KLHL24: variants seen among roughly 807,000 people sequenced by gnomAD.
KLHL24 encodes kelch-like protein 24.
KLHL24 carries 29 observed loss-of-function variants against 53.4 expected under a neutral mutation model. The ratio of observed to expected loss-of-function variants is 0.54; its 90% confidence interval spans 0.40 to 0.74. KLHL24 has a LOEUF of 0.74. KLHL24 is among the 30% of genes least tolerant of loss of function. The probability of loss-of-function intolerance (pLI) is 0.00; values close to 1 mark genes in which losing one functional copy is unlikely to be tolerated. For synonymous variants in KLHL24, 222 were observed against 253.7 expected, an observed-to-expected ratio of 0.88 and a Z score of 1.19; for missense variants, 504 against 744.0, an observed-to-expected ratio of 0.68 and a Z score of 3.75.
At chr3:183,656,330 C>T (rs1718891948) in intron 3 of KLHL24, among the ~76,000 whole-genome samples, 1 of 152,126 alleles carries the variant, frequency 6.6e-6, no homozygotes, top group Non-Finnish European at 1.5e-5. Flanking sequence ...TGCCAAACCA[C>T]CCGTAGCATT....
chr3:183,654,829 C>A lies in KLHL24; in HGVS notation c.920+3553C>A, dbSNP rs566932337. On this transcript the variant is annotated intron_variant, in intron 3 of 7. Coordinates refer to ENST00000242810, the MANE Select transcript of KLHL24 (RefSeq NM_017644.3). Reference sequence around the variant, plus strand: ...ATTGCTTCCTTATGGCATCATTTAGCTGTGTTTCCTGGAAACTGGAAGTTG... The same window carrying A: ...ATTGCTTCCTTATGGCATCATTTAGATGTGTTTCCTGGAAACTGGAAGTTG... 1.7e-3 allele frequency among the ~76,000 whole-genome samples: 260 copies of A among 152,316 alleles called. 1 individual carries two copies. Among genetic ancestry groups the A allele is most frequent in the Non-Finnish European group, 2.4e-3 (161 of 68,024 alleles).
chr3:183,649,237 C>G (rs1717773892), intron 2 of KLHL24, among the ~76,000 whole-genome samples: 1 of 152,188 alleles, frequency 6.6e-6, no homozygotes, highest in Non-Finnish European at 1.5e-5. Flanking sequence ...TATGTACATC[C>G]TATCCCTAGA....
At chr3:183,666,323 G>A (rs1720552983) in intron 5 of KLHL24, among the ~76,000 whole-genome samples, 1 of 151,900 alleles carries the variant, frequency 6.6e-6, no homozygotes, top group South Asian at 2.1e-4. Flanking sequence ...GTACAGTGGT[G>A]CCATCACTGC....
At chr3:183,649,359 G>C (rs1717790997) in intron 2 of KLHL24, among the ~76,000 whole-genome samples, 1 of 152,024 alleles carries the variant, frequency 6.6e-6, no homozygotes, top group Non-Finnish European at 1.5e-5. Context: ...AATTTTTAAT[G>C]GTTGCATAGA....
chr3:183,655,064 G>A (rs1718657116), intron 3 of KLHL24, among the ~76,000 whole-genome samples: 1 of 152,198 alleles, frequency 6.6e-6, no homozygotes, highest in South Asian at 2.1e-4. Context: ...ATATCAGCCA[G>A]TGTTCCTTTA....
At chr3:183,639,484 G>A (rs953285973) in intron 1 of KLHL24, among the ~76,000 whole-genome samples, 2 of 151,568 alleles carry the variant, frequency 1.3e-5, no homozygotes, top group Admixed American at 6.6e-5. Flanking sequence ...CAAAAAATTA[G>A]CCGGGCGTAG....
chr3:183,669,898 G>A (rs1721108100), intron 5 of KLHL24, among the ~76,000 whole-genome samples: 1 of 152,186 alleles, frequency 6.6e-6, no homozygotes, highest in African/African-American at 2.4e-5. Flanking sequence ...GACTCAGTGG[G>A]ACTTAATAGT....
chr3:183,655,157 C>T lies in KLHL24; in HGVS notation c.920+3881C>T, dbSNP rs1460560284. On this transcript the variant is annotated intron_variant, in intron 3 of 7. Coordinates refer to ENST00000242810, the MANE Select transcript of KLHL24 (RefSeq NM_017644.3). ...ATATACCCACGTGTCTCTTAAATGACAGAGAAATCCCGAAAATGCATTATA... is the reference window on the plus strand; with the variant it reads ...ATATACCCACGTGTCTCTTAAATGATAGAGAAATCCCGAAAATGCATTATA... Among the ~76,000 whole-genome samples the T allele has an allele frequency of 2.6e-5, 4 of 152,170 alleles. No homozygotes were observed. The East Asian group carries it at 7.7e-4, about 29-fold the overall frequency.
chr3:183,661,565 T>C (rs918578100), intron 3 of KLHL24, among the ~76,000 whole-genome samples: 4 of 152,346 alleles, frequency 2.6e-5, no homozygotes, highest in Non-Finnish European at 1.5e-5. Context: ...ACTAGCTTGC[T>C]AATCCTTTCA....
chr3:183,665,121 C>G, intron 5 of KLHL24, 82 bp downstream of exon 5: 1 of 736,324 alleles, frequency 1.4e-6, no homozygotes, highest in Non-Finnish European at 2.4e-6. Flanking sequence ...TTTACTCACC[C>G]TCTGGGTATT....
intron 7 of KLHL24, among the ~76,000 whole-genome samples, chr3:183,674,243 T>TTTTTTCTTTCTTTC (rs1721762754): frequency 7.6e-6 from 1 of 130,970 alleles, no homozygotes; most frequent in African/African-American, 2.9e-5. Flanking sequence ...TTAGCATCAA[T>TTTTTTCTTTCTTTC]TTTCTTTCTT....
intron 2 of KLHL24, among the ~76,000 whole-genome samples, chr3:183,647,634 C>A (rs1717484370): frequency 6.6e-6 from 1 of 152,098 alleles, no homozygotes; most frequent in Admixed American, 6.5e-5. Context: ...TCACTTGAGC[C>A]TGGGAGGTGG....
chr3:183,651,404 T>C lies in KLHL24; in HGVS notation c.920+128T>C. 1.1e-5 allele frequency: 7 copies of C among 652,700 alleles called. No homozygotes were observed. In the South Asian group the frequency reaches 1.3e-4, roughly 12 times the overall value. 40.4% of individuals were successfully genotyped at this position (652,700 alleles called of 1,614,324 possible). On this transcript the variant is annotated intron_variant, in intron 3 of 7. Transcript: ENST00000242810. ...GTGGCTGTATATAATTTTAGATTTATTTTGGATTATATGTCACTAGAATGT... is the reference window on the plus strand; with the variant it reads ...GTGGCTGTATATAATTTTAGATTTACTTTGGATTATATGTCACTAGAATGT...
chr3:183,666,837 T>C (rs147833231), intron 5 of KLHL24, among the ~76,000 whole-genome samples: 18 of 152,292 alleles, frequency 1.2e-4, no homozygotes, highest in Admixed American at 3.9e-4. Context: ...AGGATTACCT[T>C]GGAGTCTTTA....
intron 1 of KLHL24, among the ~76,000 whole-genome samples, chr3:183,642,040 T>C (rs1389117275): frequency 6.6e-6 from 1 of 152,222 alleles, no homozygotes; most frequent in East Asian, 1.9e-4. Flanking sequence ...CTGCTAAGAA[T>C]TTGAATCTAT....
chr3:183,684,289 T>C lies in KLHL24; in HGVS notation c.*5003T>C, dbSNP rs1334994146. On this transcript the variant is annotated 3_prime_UTR_variant, in exon 8 of 8. Transcript: ENST00000242810. ...AGTATAATCTGCTTTACAACTAGTA[T>C]AGACCTAAGGTCATTTGCTTTCAAT... 1 of 152,618 alleles carries C rather than the reference T, an allele frequency of 6.6e-6. No homozygotes were observed. Among genetic ancestry groups the C allele is most frequent in the East Asian group, 1.9e-4 (1 of 5,198 alleles). The allele number at this position is 152,618 out of a possible 1,614,324, so 9.5% of individuals were successfully genotyped here.
intron 3 of KLHL24, among the ~76,000 whole-genome samples, chr3:183,660,385 T>C (rs910937812): frequency 9.2e-5 from 14 of 152,124 alleles, no homozygotes; most frequent in Non-Finnish European, 1.8e-4. Flanking sequence ...CCCCCTGTTT[T>C]AGCCTACCAA....
intron 1 of KLHL24, among the ~76,000 whole-genome samples, chr3:183,641,303 G>A (rs910643603): frequency 6.6e-6 from 1 of 151,956 alleles, no homozygotes; most frequent in Admixed American, 6.6e-5. Context: ...GGCCATCCTG[G>A]CCAACATGGT....
chr3:183,651,186 A>T lies in KLHL24; in HGVS notation c.830A>T (p.Asn277Ile). ...QTVEVDQLIQ[N>I]SPECYQLLHE... Reference sequence around the variant, plus strand: ...GTTGAAGTGGACCAATTGATCCAGAATTCTCCTGAGTGTTATCAGTTGTTG... The same window carrying T: ...GTTGAAGTGGACCAATTGATCCAGATTTCTCCTGAGTGTTATCAGTTGTTG... The change falls in exon 3 of 8, where the codon AAT (asparagine) becomes ATT (isoleucine). Residue 277 changes from asparagine to isoleucine, a missense_variant. Asn to Ile is a moderately radical substitution (Grantham distance 149). Coordinates refer to ENST00000242810, the MANE Select transcript of KLHL24 (RefSeq NM_017644.3). The T allele has an allele frequency of 1.2e-6, 2 of 1,614,142 alleles. No individual in the cohort carries two copies.
Sources: allele counts gnomAD v4.1 joint callset (sites outside exome capture counted in the v4.1 genomes callset), GRCh38; gene constraint gnomAD v4.1.1; transcripts MANE v1.5; gene names NCBI Gene and HGNC (gene_info 2026-07-23, HGNC 2026-07-21).